ESR1: variants seen among roughly 807,000 people sequenced by gnomAD.
ESR1 encodes the protein estrogen receptor 1, also known as estrogen receptor.
Under a neutral mutation model 52.7 loss-of-function variants are expected in ESR1, and 12 were observed. The observed-to-expected ratio is 0.23, with a 90% CI of 0.15 to 0.37. The LOEUF (loss-of-function observed/expected upper bound fraction) is 0.37. Ranked by LOEUF, ESR1 falls within the 10% of genes least tolerant of loss-of-function variation. The probability of loss-of-function intolerance (pLI) is 1.00; values close to 1 mark genes in which losing one functional copy is unlikely to be tolerated. For missense variants in ESR1, 584 were observed against 779.7 expected (o/e 0.75, Z 2.99); for synonymous variants, 305 against 316.8 (o/e 0.96, Z 0.39).
chr6:152,106,393 C>T (rs962616490), downstream of ESR1, among the ~76,000 whole-genome samples: 4 of 152,092 alleles, frequency 2.6e-5, no homozygotes, highest in Admixed American at 2.0e-4. Context: ...TGTCTGGTGT[C>T]GTTTTCTTTT....
In ESR1 at chr6:151,793,802, A is replaced by G. The variant is rs143779653; in HGVS notation, c.-70-14041A>G. ...CTGGAAGTGACCTCGAAGTCTAGTA[A>G]AAAAACCACAACAGTAAAACAATAT... On this transcript the variant is annotated intron_variant, in intron 2 of 2. Coordinates refer to the ESR1 transcript ENST00000404742. Among the ~76,000 whole-genome samples the G allele has an allele frequency of 9.5e-3, 1,446 of 152,352 alleles. 25 individuals are homozygous for G. Among genetic ancestry groups the G allele is most frequent in the African/African-American group, 0.033 (1,379 of 41,568 alleles).
At chr6:151,869,720 T>C (rs988264489) in intron 2 of ESR1, among the ~76,000 whole-genome samples, 2 of 152,184 alleles carry the variant, frequency 1.3e-5, no homozygotes, top group African/African-American at 4.8e-5. Context: ...AAAAGAAACT[T>C]TCCAGGACAA....
At chr6:151,946,283 A>T (rs1327781708) in intron 4 of ESR1, among the ~76,000 whole-genome samples, 5 of 152,222 alleles carry the variant, frequency 3.3e-5, no homozygotes, top group African/African-American at 1.2e-4. Flanking sequence ...TCTTGGGAAT[A>T]TTAGCTCTGG....
chr6:151,965,774 C>T (rs1318747411), intron 4 of ESR1, among the ~76,000 whole-genome samples: 2 of 152,074 alleles, frequency 1.3e-5, no homozygotes, highest in African/African-American at 2.4e-5. Context: ...CCATTCTTTT[C>T]CCCTACCCAT....
chr6:151,853,883 A>G (rs886283835), intron 2 of ESR1, among the ~76,000 whole-genome samples: 6 of 152,200 alleles, frequency 3.9e-5, no homozygotes, highest in Non-Finnish European at 7.3e-5. Context: ...CAACAATTCC[A>G]TTAGAAAGCT....
At chr6:151,762,785 G>A (rs1022252263) in intron 2 of ESR1, among the ~76,000 whole-genome samples, 2 of 152,024 alleles carry the variant, frequency 1.3e-5, no homozygotes, top group African/African-American at 2.4e-5. Context: ...CCAACATGGC[G>A]AAACTCCGTC....
At chr6:151,899,808 G>T (rs956702761) in intron 3 of ESR1, among the ~76,000 whole-genome samples, 1 of 151,762 alleles carries the variant, frequency 6.6e-6, no homozygotes, top group South Asian at 2.1e-4. Flanking sequence ...GGGCGGCAGG[G>T]CAGAGACGCT....
chr6:151,736,522 G>C (rs1193396544), intron 2 of ESR1, among the ~76,000 whole-genome samples: 1 of 151,840 alleles, frequency 6.6e-6, no homozygotes, highest in Non-Finnish European at 1.5e-5. Flanking sequence ...ACAGGCACAA[G>C]CCACCAAGCC....
chr6:152,059,067 T>G (rs2047335575), intron 5 of ESR1, among the ~76,000 whole-genome samples: 1 of 152,158 alleles, frequency 6.6e-6, no homozygotes, highest in Non-Finnish European at 1.5e-5. Flanking sequence ...AATTGGATCT[T>G]TTTCTCATAC....
chr6:151,657,286 GA>G (rs2115184880), intron 1 of ESR1, among the ~76,000 whole-genome samples: 1 of 152,158 alleles, frequency 6.6e-6, no homozygotes, highest in South Asian at 2.1e-4. Flanking sequence ...ATGAAAAAGG[GA>G]AATTAATTAA....
intron 5 of ESR1, among the ~76,000 whole-genome samples, chr6:152,033,454 A>G (rs972829232): frequency 1.3e-5 from 2 of 148,842 alleles, no homozygotes; most frequent in Non-Finnish European, 2.9e-5. Flanking sequence ...CAAGAAAAAA[A>G]CAAACAACAC....
At chr6:152,103,430 A>C (rs1406322167), downstream of ESR1, among the ~76,000 whole-genome samples, 1 of 152,184 alleles carries the variant, frequency 6.6e-6, no homozygotes, top group African/African-American at 2.4e-5. Flanking sequence ...CCCCAGGTGT[A>C]TCAGGAAGTG....
In ESR1 at chr6:151,824,407, T is replaced by G. The variant is rs560865144; in HGVS notation, c.452+16043T>G. On this transcript the variant is annotated intron_variant, in intron 1 of 7. Coordinates refer to ENST00000206249, the MANE Select transcript of ESR1 (RefSeq NM_000125.4). ...AGATGAGTAGATTGCAAAAATTTTC[T>G]CCCATTTTGTAGGTTGCCTGTTCAC... is the stretch of plus-strand genomic sequence containing the variant. Among the ~76,000 whole-genome samples, 4 of 152,330 alleles carry G rather than the reference T, an allele frequency of 2.6e-5. No homozygotes were observed. In the South Asian group the frequency reaches 8.3e-4, roughly 32 times the overall value.
At chr6:152,118,367 A>T (rs2051233988) in intron 6 of ESR1, 1 of 152,222 alleles carries the variant, frequency 6.6e-6, no homozygotes, top group South Asian at 2.1e-4. Flanking sequence ...ATGCCCATCA[A>T]TGATAGACTG....
intron 5 of ESR1, among the ~76,000 whole-genome samples, chr6:152,046,765 T>C (rs2046261932): frequency 6.6e-6 from 1 of 152,232 alleles, no homozygotes; most frequent in Non-Finnish European, 1.5e-5. Context: ...CAGGCCTTGT[T>C]TGTGAACTGG....
At chr6:151,958,754 A>G (rs2037293387) in intron 4 of ESR1, among the ~76,000 whole-genome samples, 2 of 152,216 alleles carry the variant, frequency 1.3e-5, no homozygotes, top group African/African-American at 4.8e-5. Context: ...TGAGAGAACA[A>G]CGTGGTTTTG....
intron 2 of ESR1, among the ~76,000 whole-genome samples, chr6:151,864,922 A>G (rs1431319736): frequency 8.3e-6 from 1 of 120,414 alleles, no homozygotes; most frequent in African/African-American, 3.3e-5. Flanking sequence ...GGAACATTAC[A>G]CACTGGGGCC....
intron 5 of ESR1, among the ~76,000 whole-genome samples, chr6:152,016,211 G>T (rs1188379004): frequency 6.6e-6 from 1 of 152,048 alleles, no homozygotes; most frequent in African/African-American, 2.4e-5. Flanking sequence ...TCAGCCATGT[G>T]GAACTCTGAG....
At chr6:152,049,500 C>T (rs1333028621) in intron 5 of ESR1, among the ~76,000 whole-genome samples, 1 of 152,210 alleles carries the variant, frequency 6.6e-6, no homozygotes, top group African/African-American at 2.4e-5. Context: ...AGTCCAGACA[C>T]ATCTTTTCCA....
Sources: gnomAD v4.1 joint callset for allele counts (sites outside exome capture counted in the v4.1 genomes callset) on GRCh38, gnomAD v4.1.1 for gene constraint, MANE v1.5 for transcripts, NCBI Gene and HGNC (gene_info 2026-07-23, HGNC 2026-07-21) for gene names.